The following UGT2A1 variants were observed in gnomAD, a reference collection of about 807,000 sequenced individuals.
UGT2A1 encodes the protein UDP-glucuronosyltransferase 2A1.
In UGT2A1, 61 loss-of-function variants were observed where a neutral mutation model predicts 45.4. The ratio of observed to expected loss-of-function variants is 1.34; its 90% CI spans 1.09 to 1.66. The LOEUF (loss-of-function observed/expected upper bound fraction) is 1.66, where lower values mean the gene tolerates loss of function less well. Among genes scored for constraint, UGT2A1 ranks in the 40% most tolerant of loss-of-function variants. UGT2A1 has a pLI of 0.00. For synonymous variants in UGT2A1, 229 were observed against 196.2 expected (o/e 1.17, Z -1.40); for missense variants, 649 against 574.3 (o/e 1.13, Z -1.33).
At chr4:69,596,021 T>A (rs148213651) in intron 4 of UGT2A1, among the ~76,000 whole-genome samples, 33 of 152,290 alleles carry the variant, frequency 2.2e-4, no homozygotes, top group African/African-American at 7.5e-4. Flanking sequence ...TAAAAATAAA[T>A]GACTTCAAAA....
At chr4:69,593,183 C>A (rs1044208231) in intron 6 of UGT2A1, among the ~76,000 whole-genome samples, 4 of 151,982 alleles carry the variant, frequency 2.6e-5, no homozygotes, top group African/African-American at 9.7e-5. Flanking sequence ...ATATCCAAGT[C>A]TTTATTGAAA....
rs1289491844 is a variant in UGT2A1, at chr4:69,604,826, GCCATTACA to G, written c.848-5440_848-5433del. Among the ~76,000 whole-genome samples, 5 of 136,742 alleles carry G rather than the reference GCCATTACA, an allele frequency of 3.7e-5. 1 individual carries two copies. The highest frequency in any genetic ancestry group is 7.8e-5 in the Non-Finnish European group (5 of 64,272). The allele number at this position is 136,742 out of a possible 152,430, so 89.7% of individuals were successfully genotyped here. The stretch of plus-strand genomic sequence containing the variant: ...CCAAAGATCAAAAGAGACAAAGAAG[GCCATTACA>G]TAATGGTAAAAGGATCAATTCAACA... On this transcript the variant is annotated intron_variant, in intron 3 of 6. Coordinates refer to ENST00000286604, the MANE Select transcript of UGT2A1 (RefSeq NM_001252275.3).
At chr4:69,623,503 A>G (rs966238219) in intron 3 of UGT2A1, among the ~76,000 whole-genome samples, 3 of 151,798 alleles carry the variant, frequency 2.0e-5, no homozygotes, top group Non-Finnish European at 2.9e-5. Flanking sequence ...GTAAAAAAAT[A>G]GCATAATATT....
chr4:69,651,543 T>C (rs1291633496), intron 1 of UGT2A1, among the ~76,000 whole-genome samples: 1 of 152,178 alleles, frequency 6.6e-6, no homozygotes, highest in Non-Finnish European at 1.5e-5. Flanking sequence ...ATAAAATATA[T>C]ACTTTGCTTA....
chr4:69,652,035 A>G (rs1166237298), intron 1 of UGT2A1, among the ~76,000 whole-genome samples: 2 of 152,142 alleles, frequency 1.3e-5, no homozygotes, highest in South Asian at 2.1e-4. Flanking sequence ...TAAAGCCTTT[A>G]AAATAAACTT....
At chr4:69,643,920 A>G (rs1258091737) in intron 2 of UGT2A1, among the ~76,000 whole-genome samples, 1 of 151,646 alleles carries the variant, frequency 6.6e-6, no homozygotes, top group African/African-American at 2.4e-5. Context: ...TTATCATTCT[A>G]CATCCACAAA....
intron 4 of UGT2A1, among the ~76,000 whole-genome samples, chr4:69,597,144 T>G (rs975075703): frequency 1.3e-5 from 2 of 152,182 alleles, no homozygotes; most frequent in African/African-American, 4.8e-5. Context: ...GCATTCAAGA[T>G]CATTTTCTCA....
intron 1 of UGT2A1, among the ~76,000 whole-genome samples, chr4:69,648,537 G>A (rs145608820): frequency 2.6e-5 from 4 of 151,890 alleles, no homozygotes; most frequent in African/African-American, 9.6e-5. Flanking sequence ...CAGACATTAC[G>A]CAAACTCTTT....
At chr4:69,594,070 G>A (rs1718759073) in intron 6 of UGT2A1, among the ~76,000 whole-genome samples, 1 of 147,904 alleles carries the variant, frequency 6.8e-6, no homozygotes, top group Admixed American at 7.0e-5. Flanking sequence ...CACCTCCCGG[G>A]TTCACGCCAT....
At chr4:69,606,050 G>A (rs879646934) in intron 3 of UGT2A1, among the ~76,000 whole-genome samples, 1 of 136,586 alleles carries the variant, frequency 7.3e-6, no homozygotes, top group Non-Finnish European at 1.6e-5. Flanking sequence ...AGAAAAAGAG[G>A]GAATCCTCCT....
At chr4:69,651,010 C>A (rs1320299580) in intron 1 of UGT2A1, among the ~76,000 whole-genome samples, 1 of 151,994 alleles carries the variant, frequency 6.6e-6, no homozygotes, top group Non-Finnish European at 1.5e-5. Context: ...TAAATGTTTT[C>A]TATTTTAATT....
intron 1 of UGT2A1, 152 bp from the exon 2 acceptor site, chr4:69,647,850 T>C: frequency 2.5e-6 from 1 of 397,360 alleles, no homozygotes; most frequent in East Asian, 3.9e-5. Flanking sequence ...GTGTCTTACT[T>C]CTCAAATCTG....
chr4:69,613,335 T>C (rs765410413), intron 3 of UGT2A1, among the ~76,000 whole-genome samples: 4 of 151,984 alleles, frequency 2.6e-5, no homozygotes, highest in Non-Finnish European at 5.9e-5. Context: ...GGTAAAGCAG[T>C]GATAAAAATT....
chr4:69,598,374 T>C (rs1356319503), intron 4 of UGT2A1, among the ~76,000 whole-genome samples: 1 of 152,180 alleles, frequency 6.6e-6, no homozygotes, highest in African/African-American at 2.4e-5. Flanking sequence ...GTTCCTACCA[T>C]GTGTACCTGT....
intron 6 of UGT2A1, among the ~76,000 whole-genome samples, chr4:69,590,175 C>T (rs989124448): frequency 6.6e-6 from 1 of 152,178 alleles, no homozygotes; most frequent in African/African-American, 2.4e-5. Flanking sequence ...ACGAAAAGGA[C>T]AGTGTCTGTA....
intron 3 of UGT2A1, among the ~76,000 whole-genome samples, chr4:69,615,171 T>C (rs2109925009): frequency 6.6e-6 from 1 of 152,056 alleles, no homozygotes; most frequent in Admixed American, 6.6e-5. Flanking sequence ...TCAATCTCTA[T>C]CTCTCACCAT....
rs142853765 is a variant in UGT2A1, at chr4:69,597,761, C to T, written c.996+1485G>A. ...AAACATACACATACACACAAACGTA[C>T]ACATCTATCATACTGATATGGATTT... On this transcript the variant is annotated intron_variant, in intron 4 of 6. Transcript: ENST00000286604. Among the ~76,000 whole-genome samples the T allele has an allele frequency of 2.9e-3, 447 of 152,002 alleles. 3 individuals carry two copies. The highest frequency in any genetic ancestry group is 0.01 in the Middle Eastern group (3 of 294).
At chr4:69,629,584 C>G (rs1356588380) in intron 3 of UGT2A1, among the ~76,000 whole-genome samples, 2 of 151,998 alleles carry the variant, frequency 1.3e-5, no homozygotes, top group Non-Finnish European at 2.9e-5. Flanking sequence ...TGTGATTGAG[C>G]CTTAGCAATA....
intron 3 of UGT2A1, among the ~76,000 whole-genome samples, chr4:69,609,435 A>G (rs757246372): frequency 6.6e-6 from 1 of 152,084 alleles, no homozygotes; most frequent in Non-Finnish European, 1.5e-5. Context: ...CCTGGGCTCA[A>G]GTGATATACC....
Sources: allele counts gnomAD v4.1 joint callset (sites outside exome capture counted in the v4.1 genomes callset), GRCh38; gene constraint gnomAD v4.1.1; transcripts MANE v1.5; gene names NCBI Gene and HGNC (gene_info 2026-07-23, HGNC 2026-07-21).